AREL1: variants seen among roughly 807,000 people sequenced by gnomAD.
AREL1 encodes the protein apoptosis-resistant E3 ubiquitin protein ligase 1.
AREL1 carries 62 observed loss-of-function variants against 99.0 expected under a neutral mutation model. The observed-to-expected ratio is 0.63, with a 90% CI of 0.51 to 0.77. The LOEUF is 0.77. Ranked by LOEUF, AREL1 falls within the 30% of genes least tolerant of loss-of-function variation. The pLI is 0.00. For synonymous variants in AREL1, 380 were observed against 376.5 expected (o/e 1.01, Z -0.11); for missense variants, 879 against 1,027.6 (o/e 0.86, Z 1.98).
intron 5 of AREL1, among the ~76,000 whole-genome samples, chr14:74,679,450 G>A (rs1218255295): frequency 6.6e-6 from 1 of 152,106 alleles, no homozygotes; most frequent in Admixed American, 6.5e-5. Flanking sequence ...AGCTACAGAT[G>A]GGGAGAAAAT....
In AREL1 at chr14:74,672,840, C is replaced by A. The variant is rs374847908; in HGVS notation, c.1413G>T (p.Leu471Phe). The A allele has an allele frequency of 5.6e-6, 9 of 1,614,044 alleles. No individual in the cohort carries two copies. In the African/African-American group the frequency reaches 1.2e-4, roughly 22 times the overall value. The change falls in exon 11 of 20, where the codon TTG becomes TTT. Residue 471 changes from leucine to phenylalanine, a missense_variant. Physicochemically the swap from Leu to Phe is conservative, Grantham distance 22. Transcript: ENST00000356357. The part of the protein sequence containing the change: ...KVTLKVSRHA[L>F]LESSLKATRN... ...ATGAAATTTTACCTACCGATTCCAA[C>A]AAGGCATGTCTGCTGACCTTCAGGG...
At chr14:74,673,006 TC>T in intron 10 of AREL1, 54 bp from the exon 11 acceptor site, 1 of 1,614,028 alleles carries the variant, frequency 6.2e-7, no homozygotes, top group Non-Finnish European at 8.5e-7. Context: ...ATCTGTGTAG[TC>T]CTGCCTCTCC....
rs763844821 is a variant in AREL1, at chr14:74,670,874, GA to G, written c.1499-4del. On this transcript the variant is annotated splice_region_variant and splice_polypyrimidine_tract_variant and intron_variant, in intron 12 of 19. Transcript: ENST00000356357. ...GCGAGGCCCTCCCCAGTCCAGAGCT[GA>G]AAAGCATAATGAAAATAAAAAATGA... The G allele has an allele frequency of 1.9e-6, 3 of 1,612,710 alleles. No homozygotes were observed. The African/African-American group carries it at 4.0e-5, about 22-fold the overall frequency.
rs73301909 is a variant in AREL1 at position 74,673,478 on chromosome 14, G to A, written c.1159-260C>T. Among the ~76,000 whole-genome samples the A allele has an allele frequency of 3.7e-3, 559 of 152,226 alleles. 5 individuals carry two copies. The highest frequency in any genetic ancestry group is 0.013 in the African/African-American group (536 of 41,526). On this transcript the variant is annotated intron_variant, in intron 9 of 19. Coordinates refer to ENST00000356357, the MANE Select transcript of AREL1 (RefSeq NM_001039479.2). Reference sequence around the variant, plus strand: ...ACCTTCTAACATAAAATATAAGAAGGGTGATATGTTAAATAGCAATAAATG... The same window carrying A: ...ACCTTCTAACATAAAATATAAGAAGAGTGATATGTTAAATAGCAATAAATG...
At position 74,684,548 on chromosome 14, in the gene AREL1, A is replaced by G; in HGVS notation, c.149T>C (p.Val50Ala). ...CCGGGGATCCAGGTAATTTCCCCGC[A>G]CGTAGTCATAAATAGTCCGGTCCCC... is the stretch of plus-strand genomic sequence containing the variant. ...RRGDRTIYDY[V>A]RGNYLDPRSC... Residue 50 changes from valine (V) to alanine (A), a missense_variant, in exon 4 of 20, where the codon GTG becomes GCG. Coordinates refer to ENST00000356357, the MANE Select transcript of AREL1 (RefSeq NM_001039479.2). The G allele has an allele frequency of 6.2e-7, 1 of 1,614,132 alleles. No individual in the cohort carries two copies. Among genetic ancestry groups the G allele is most frequent in the Non-Finnish European group, 8.5e-7 (1 of 1,180,012 alleles).
chr14:74,679,669 A>C (rs888445114), intron 5 of AREL1, among the ~76,000 whole-genome samples: 3 of 151,904 alleles, frequency 2.0e-5, no homozygotes, highest in Non-Finnish European at 4.4e-5. Flanking sequence ...TCTACTAAAA[A>C]CACAAAAAAC....
chr14:74,678,316 G>GT (rs1263481047), intron 5 of AREL1: 4 of 422,164 alleles, frequency 9.5e-6, no homozygotes, highest in Non-Finnish European at 1.4e-5. Flanking sequence ...GGGCAACATA[G>GT]TGAGACCCTA....
At chr14:74,678,365 G>A (rs2089543429) in intron 5 of AREL1, 1 of 346,184 alleles carries the variant, frequency 2.9e-6, no homozygotes, top group African/African-American at 2.2e-5. Context: ...AAGCACGGTG[G>A]TGCACGCCTG....
chr14:74,675,643 C>A lies in AREL1; in HGVS notation c.1080+56G>T, dbSNP rs138770074. The A allele has an allele frequency of 3.2e-4, 506 of 1,572,268 alleles. 2 individuals carry two copies. The African/African-American group carries it at 6.5e-3, about 20-fold the overall frequency. On this transcript the variant is annotated intron_variant, in intron 8 of 19. Coordinates refer to ENST00000356357, the MANE Select transcript of AREL1 (RefSeq NM_001039479.2). ...ACTTTGTGGTTTCTGCTACCAAATA[C>A]CAATTACACACAGGTTCAAGCAGGG...
chr14:74,675,949 G>A lies in AREL1; in HGVS notation c.833-3C>T. 6.3e-7 allele frequency: 1 copy of A among 1,580,996 alleles called. No homozygotes were observed. The highest frequency in any genetic ancestry group is 2.2e-5 in the East Asian group (1 of 44,578). ...TTCGACGATATTCTTCTCATCCTCT[G>A]AAGTATAATAAGGAATAAGGTTTAA... On this transcript the variant is annotated splice_polypyrimidine_tract_variant and splice_region_variant and intron_variant, in intron 7 of 19. Coordinates refer to ENST00000356357, the MANE Select transcript of AREL1 (RefSeq NM_001039479.2).
chr14:74,695,114 C>G (rs2089960063), intron 1 of AREL1, among the ~76,000 whole-genome samples: 1 of 148,842 alleles, frequency 6.7e-6, no homozygotes. Flanking sequence ...TTCTGTTGCC[C>G]AGGCTGGAGT....
In AREL1 at chr14:74,664,046, G is replaced by C; in HGVS notation, c.2222C>G (p.Ser741Cys). 1.2e-6 allele frequency: 2 copies of C among 1,613,994 alleles called. No individual in the cohort carries two copies. The highest frequency in any genetic ancestry group is 1.7e-6 in the Non-Finnish European group (2 of 1,179,944). ...AGCCAACTCCTCCTGGGTCAGACTGGAAACCACAGTCCAAAACCACCTCAT... is the reference window on the plus strand; with the variant it reads ...AGCCAACTCCTCCTGGGTCAGACTGCAAACCACAGTCCAAAACCACCTCAT... ...KVMRWFWTVV[S>C]SLTQEELARL... The change falls in exon 19 of 20, where the codon TCC becomes TGC. Residue 741 changes from serine to cysteine, a missense_variant. Coordinates refer to ENST00000356357, the MANE Select transcript of AREL1 (RefSeq NM_001039479.2).
At chr14:74,679,719 T>G (rs1253584526) in intron 5 of AREL1, among the ~76,000 whole-genome samples, 1 of 151,864 alleles carries the variant, frequency 6.6e-6, no homozygotes, top group African/African-American at 2.4e-5. Context: ...TCCCAGCTAC[T>G]TGGGAGGCTG....
At chr14:74,695,463 T>C (rs571706450) in intron 1 of AREL1, among the ~76,000 whole-genome samples, 2 of 152,278 alleles carry the variant, frequency 1.3e-5, no homozygotes, top group East Asian at 3.9e-4. Flanking sequence ...AAATAACTCC[T>C]AGTTGTAATA....
At position 74,662,852 on chromosome 14, in the gene AREL1, A is replaced by G; in HGVS notation, c.*868T>C. 1 of 367,004 alleles carries G rather than the reference A, an allele frequency of 2.7e-6. No homozygotes were observed. The highest frequency in any genetic ancestry group is 2.1e-5 in the African/African-American group (1 of 48,112). The allele number at this position is 367,004 out of a possible 1,614,324, so 22.7% of individuals were successfully genotyped here. On this transcript the variant is annotated 3_prime_UTR_variant, in exon 20 of 20. Coordinates refer to ENST00000356357, the MANE Select transcript of AREL1 (RefSeq NM_001039479.2). ...AAGGATCCCCAGCTTTTAGCAGACT[A>G]CATAATGGGGAAGTCAGTGGCCCAA...
At chr14:74,670,173 C>G in intron 13 of AREL1, 47 bp from the exon 14 acceptor site, 1 of 1,531,772 alleles carries the variant, frequency 6.5e-7, no homozygotes, top group Non-Finnish European at 8.8e-7. Flanking sequence ...TTTCTTCAAG[C>G]CCAGTTCTGG....
intron 1 of AREL1, among the ~76,000 whole-genome samples, chr14:74,696,094 A>AG (rs1439791501): frequency 1.3e-5 from 2 of 152,362 alleles, no homozygotes; most frequent in East Asian, 3.9e-4. Flanking sequence ...ACAATGGCAG[A>AG]GCTGAGTAGT....
At chr14:74,706,580 A>G (rs1435862723) in intron 1 of AREL1, among the ~76,000 whole-genome samples, 1 of 152,234 alleles carries the variant, frequency 6.6e-6, no homozygotes, top group Non-Finnish European at 1.5e-5. Flanking sequence ...TTACCTATTC[A>G]AAACAAAATT....
At position 74,669,776 on chromosome 14, in the gene AREL1, T is replaced by G; in HGVS notation, c.1789-2A>C. The G allele has an allele frequency of 1.2e-6, 2 of 1,614,132 alleles. No individual in the cohort carries two copies. The highest frequency in any genetic ancestry group is 1.7e-6 in the Non-Finnish European group (2 of 1,179,988). On this transcript the variant is annotated splice_acceptor_variant, in intron 14 of 19. Coordinates refer to ENST00000356357, the MANE Select transcript of AREL1 (RefSeq NM_001039479.2). LOFTEE classifies it high-confidence loss of function. ...TTCTGGGTCATCTGTTTCAAAGTAC[T>G]GAGGAGGCAGAAAGACACAGAACAG...
Sources: gnomAD v4.1 joint callset for allele counts (sites outside exome capture counted in the v4.1 genomes callset) on GRCh38, gnomAD v4.1.1 for gene constraint, MANE v1.5 for transcripts, NCBI Gene and HGNC (gene_info 2026-07-23, HGNC 2026-07-21) for gene names.